The following CSMD1 variants were observed in gnomAD, a reference collection of about 807,000 sequenced individuals.
The protein encoded by CSMD1 is CUB and sushi domain-containing protein 1.
Under a neutral mutation model 417.5 loss-of-function variants are expected in CSMD1, and 213 were observed. The observed-to-expected ratio is 0.51, with a 90% confidence interval of 0.46 to 0.57. CSMD1 has a LOEUF of 0.57. CSMD1 is among the 20% of genes least tolerant of loss of function. The pLI, the probability that CSMD1 is intolerant of heterozygous loss-of-function variation, is 0.00. For synonymous variants in CSMD1, 2,862 were observed against 1,736.8 expected (o/e 1.65, Z -16.11); for missense variants, 6,923 against 4,529.7 (o/e 1.53, Z -15.17).
chr8:3,172,654 G>C (rs185222412), intron 37 of CSMD1, among the ~76,000 whole-genome samples: 1 of 152,278 alleles, frequency 6.6e-6, no homozygotes, highest in East Asian at 1.9e-4. Flanking sequence ...ACACTTAAGG[G>C]GGGCAGAGAA....
chr8:4,775,985 G>C (rs956865373), intron 1 of CSMD1, among the ~76,000 whole-genome samples: 6 of 152,182 alleles, frequency 3.9e-5, no homozygotes, highest in African/African-American at 1.4e-4. Context: ...GGAGGGAACA[G>C]CAACCTCAGA....
chr8:3,543,971 G>C (rs147877475), intron 10 of CSMD1, among the ~76,000 whole-genome samples: 141 of 152,270 alleles, frequency 9.3e-4, no homozygotes, highest in Non-Finnish European at 1.7e-3. Flanking sequence ...TGAGAAAGCA[G>C]AAAGAGTCAG....
chr8:4,933,746 C>G (rs1807412123), intron 1 of CSMD1, among the ~76,000 whole-genome samples: 1 of 152,128 alleles, frequency 6.6e-6, no homozygotes, highest in Non-Finnish European at 1.5e-5. Context: ...GATATACTAA[C>G]TTATAACTAC....
At chr8:3,876,758 G>A (rs992513380) in intron 5 of CSMD1, among the ~76,000 whole-genome samples, 1 of 152,184 alleles carries the variant, frequency 6.6e-6, no homozygotes, top group Non-Finnish European at 1.5e-5. Flanking sequence ...CACAGGCATA[G>A]GCCACCAGGC....
At chr8:3,092,248 C>G (rs949943554) in intron 47 of CSMD1, among the ~76,000 whole-genome samples, 1 of 151,774 alleles carries the variant, frequency 6.6e-6, no homozygotes, top group South Asian at 2.1e-4. Context: ...ATTCATACAG[C>G]ATTAAAATTA....
intron 39 of CSMD1, among the ~76,000 whole-genome samples, chr8:3,156,257 C>A (rs941704345): frequency 1.3e-5 from 2 of 152,156 alleles, no homozygotes; most frequent in African/African-American, 4.8e-5. Context: ...TCTGAGCACA[C>A]CCCCAGCAAT....
chr8:3,005,715 TCAA>T (rs1008899425), intron 52 of CSMD1, among the ~76,000 whole-genome samples: 7 of 152,108 alleles, frequency 4.6e-5, no homozygotes, highest in Non-Finnish European at 8.8e-5. Context: ...TTGACAAAAT[TCAA>T]CAACGCTTCA....
chr8:4,181,698 C>T (rs2131178227), intron 3 of CSMD1, among the ~76,000 whole-genome samples: 1 of 151,298 alleles, frequency 6.6e-6, no homozygotes, highest in East Asian at 1.9e-4. Flanking sequence ...ATACTTTTTT[C>T]AATATAATCT....
intron 23 of CSMD1, among the ~76,000 whole-genome samples, chr8:3,314,219 A>G (rs1292418704): frequency 6.6e-6 from 1 of 152,184 alleles, no homozygotes; most frequent in Non-Finnish European, 1.5e-5. Flanking sequence ...ATGTATACAT[A>G]TGTAACAAAC....
intron 3 of CSMD1, among the ~76,000 whole-genome samples, chr8:4,411,723 A>G (rs1796658294): frequency 6.6e-6 from 1 of 152,206 alleles, no homozygotes; most frequent in African/African-American, 2.4e-5. Context: ...TATGTGTGCT[A>G]TGTATTTGTA....
At chr8:3,633,546 C>T (rs558540407) in intron 7 of CSMD1, among the ~76,000 whole-genome samples, 4 of 152,134 alleles carry the variant, frequency 2.6e-5, no homozygotes, top group African/African-American at 9.7e-5. Context: ...ATTAGTGGTG[C>T]ACGCACGTCA....
At chr8:4,117,507 C>G (rs1397308881) in intron 3 of CSMD1, among the ~76,000 whole-genome samples, 1 of 152,186 alleles carries the variant, frequency 6.6e-6, no homozygotes, top group Non-Finnish European at 1.5e-5. Context: ...TCATCTCCCT[C>G]CGACCAACTC....
At chr8:3,365,515 T>C (rs1809501323) in intron 20 of CSMD1, among the ~76,000 whole-genome samples, 1 of 152,246 alleles carries the variant, frequency 6.6e-6, no homozygotes, top group Non-Finnish European at 1.5e-5. Context: ...CATTTATACA[T>C]GAATTGTTTT....
chr8:3,494,388 G>C (rs981915369), intron 10 of CSMD1, among the ~76,000 whole-genome samples: 1 of 152,168 alleles, frequency 6.6e-6, no homozygotes, highest in Non-Finnish European at 1.5e-5. Context: ...AAGAAGAAAT[G>C]CTTCCTTTGG....
intron 1 of CSMD1, among the ~76,000 whole-genome samples, chr8:4,737,777 A>C (rs865923190): frequency 1.3e-5 from 2 of 152,216 alleles, no homozygotes; most frequent in African/African-American, 4.8e-5. Flanking sequence ...AAGACATAGA[A>C]ACAAATAGTT....
At chr8:4,220,680 G>A (rs751513528) in intron 3 of CSMD1, among the ~76,000 whole-genome samples, 1 of 152,198 alleles carries the variant, frequency 6.6e-6, no homozygotes, top group Admixed American at 6.5e-5. Flanking sequence ...AAGAAGGAAA[G>A]GGAAGATCAA....
intron 8 of CSMD1, among the ~76,000 whole-genome samples, chr8:3,597,830 C>A (rs148378970): frequency 1.8e-4 from 28 of 151,842 alleles, no homozygotes; most frequent in African/African-American, 5.8e-4. Context: ...ACACCGGGGC[C>A]TGTCGGGGGG....
intron 3 of CSMD1, among the ~76,000 whole-genome samples, chr8:4,157,062 A>G (rs1045502383): frequency 6.6e-6 from 1 of 152,186 alleles, no homozygotes; most frequent in Non-Finnish European, 1.5e-5. Flanking sequence ...GTAGACCAGA[A>G]CAGGGATGGA....
intron 3 of CSMD1, among the ~76,000 whole-genome samples, chr8:4,169,477 A>G (rs556229947): frequency 6.6e-6 from 1 of 152,114 alleles, no homozygotes; most frequent in East Asian, 1.9e-4. Context: ...ATCTGACTCA[A>G]TTCTGACCAC....
Sources: allele counts gnomAD v4.1 joint callset (sites outside exome capture counted in the v4.1 genomes callset), GRCh38; gene constraint gnomAD v4.1.1; transcripts MANE v1.5; gene names NCBI Gene and HGNC (gene_info 2026-07-23, HGNC 2026-07-21).